Variants in NEGR1 observed in about 807,000 individuals in gnomAD.
NEGR1 encodes IgLON family member 4.
Under a neutral mutation model 40.9 loss-of-function variants are expected in NEGR1, and 10 were observed. The observed-to-expected ratio is 0.24, with a 90% confidence interval of 0.15 to 0.42. NEGR1 has a LOEUF of 0.42. NEGR1 is among the 10% of genes least tolerant of loss of function. The pLI is 1.00. For missense variants in NEGR1, 352 were observed against 438.9 expected, an observed-to-expected ratio of 0.80 and a Z score of 1.77; for synonymous variants, 185 against 166.8, an observed-to-expected ratio of 1.11 and a Z score of -0.84.
intron 4 of NEGR1, among the ~76,000 whole-genome samples, chr1:71,628,339 T>A (rs984309796): frequency 6.6e-6 from 1 of 152,036 alleles, no homozygotes. Flanking sequence ...GTTTATTGAA[T>A]AAATGAACAC....
At chr1:71,978,138 T>G (rs1162811943) in intron 1 of NEGR1, among the ~76,000 whole-genome samples, 1 of 152,172 alleles carries the variant, frequency 6.6e-6, no homozygotes, top group Non-Finnish European at 1.5e-5. Context: ...TAAAAAAGCC[T>G]TTTATTTCAG....
At chr1:71,588,883 A>T (rs963604407) in intron 6 of NEGR1, among the ~76,000 whole-genome samples, 1 of 152,158 alleles carries the variant, frequency 6.6e-6, no homozygotes, top group African/African-American at 2.4e-5. Context: ...GGAGCTGCTC[A>T]TATACACACA....
chr1:71,988,751 C>T (rs1235082685), intron 1 of NEGR1, among the ~76,000 whole-genome samples: 3 of 151,284 alleles, frequency 2.0e-5, no homozygotes, highest in Admixed American at 2.0e-4. Context: ...TTATAAAGAA[C>T]CACATGACTA....
At chr1:72,107,395 T>C (rs1351791964) in intron 1 of NEGR1, among the ~76,000 whole-genome samples, 1 of 151,662 alleles carries the variant, frequency 6.6e-6, no homozygotes, top group African/African-American at 2.4e-5. Flanking sequence ...AAAAGTATGA[T>C]AGATACATAA....
chr1:72,252,533 T>A (rs1158747837), intron 1 of NEGR1, among the ~76,000 whole-genome samples: 2 of 152,224 alleles, frequency 1.3e-5, no homozygotes, highest in Non-Finnish European at 2.9e-5. Flanking sequence ...CTAGTACATA[T>A]CTGTAACACA....
At chr1:72,263,177 A>C (rs193208013) in intron 1 of NEGR1, among the ~76,000 whole-genome samples, 62 of 151,782 alleles carry the variant, frequency 4.1e-4, no homozygotes, top group African/African-American at 1.4e-3. Context: ...TTATTTTTAA[A>C]AATTACCTTT....
rs200216525 is a variant in NEGR1 at position 71,935,205 on chromosome 1, T to C, written c.283A>G (p.Thr95Ala). ...WSVDPRVSIS[T>A]LNKRDYSLQI... is the part of the protein sequence containing the mutation. ...AGGCTGTAGTCCCTTTTATTCAATG[T>C]TGAAATTGAAACTCGAGGATCCACT... Residue 95 changes from threonine to alanine, a missense_variant, in exon 2 of 7, where the codon ACA (threonine) becomes GCA (alanine). By Grantham distance (58) the Thr-to-Ala change is moderately conservative. Coordinates refer to ENST00000357731, the MANE Select transcript of NEGR1 (RefSeq NM_173808.3). 71 of 1,613,750 alleles carry C rather than the reference T, an allele frequency of 4.4e-5. No individual in the cohort carries two copies. The highest frequency in any genetic ancestry group is 5.5e-5 in the Non-Finnish European group (65 of 1,179,814).
chr1:71,906,347 C>T (rs919934594), intron 2 of NEGR1, among the ~76,000 whole-genome samples: 6 of 151,668 alleles, frequency 4.0e-5, no homozygotes, highest in Non-Finnish European at 5.9e-5. Flanking sequence ...AAGAGCTTAT[C>T]CATGTAACCA....
At chr1:71,651,501 C>T (rs1430174816) in intron 4 of NEGR1, among the ~76,000 whole-genome samples, 1 of 152,044 alleles carries the variant, frequency 6.6e-6, no homozygotes, top group Admixed American at 6.6e-5. Context: ...CCATTAAAAC[C>T]TTGCTTCTCT....
At chr1:71,910,349 A>G (rs1036029438) in intron 2 of NEGR1, among the ~76,000 whole-genome samples, 12 of 152,220 alleles carry the variant, frequency 7.9e-5, no homozygotes, top group African/African-American at 2.9e-4. Context: ...ACTGGTTTCA[A>G]AAATTTGCAG....
intron 4 of NEGR1, among the ~76,000 whole-genome samples, chr1:71,687,372 A>G (rs1653073461): frequency 6.6e-6 from 1 of 152,214 alleles, no homozygotes; most frequent in Non-Finnish European, 1.5e-5. Flanking sequence ...TATCTATGAA[A>G]TACATAAGTG....
intron 1 of NEGR1, among the ~76,000 whole-genome samples, chr1:72,270,049 A>G (rs1655791582): frequency 6.6e-6 from 1 of 151,830 alleles, no homozygotes; most frequent in South Asian, 2.1e-4. Context: ...AAGAGTTACA[A>G]GATAATGAGA....
chr1:71,554,915 G>T (rs1648206554), intron 6 of NEGR1, among the ~76,000 whole-genome samples: 1 of 151,468 alleles, frequency 6.6e-6, no homozygotes, highest in Admixed American at 6.6e-5. Flanking sequence ...TTTAACTCAA[G>T]ATCAGTAACC....
intron 1 of NEGR1, among the ~76,000 whole-genome samples, chr1:72,144,694 A>G (rs1176127270): frequency 6.6e-6 from 1 of 152,034 alleles, no homozygotes; most frequent in Middle Eastern, 3.2e-3. Context: ...ATGAATGTCC[A>G]AATTTCAGAG....
intron 1 of NEGR1, among the ~76,000 whole-genome samples, chr1:72,144,330 CAT>C (rs987400115): frequency 4.5e-4 from 68 of 151,848 alleles, no homozygotes; most frequent in African/African-American, 1.5e-3. Flanking sequence ...AGTGAAAAAA[CAT>C]AATTATCTAA....
chr1:71,462,553 G>T lies in NEGR1; in HGVS notation c.941-54983C>A, dbSNP rs139238700. 5.9e-3 allele frequency among the ~76,000 whole-genome samples: 903 copies of T among 152,226 alleles called. 7 individuals carry two copies. Among genetic ancestry groups the T allele is most frequent in the Middle Eastern group, 0.014 (4 of 294 alleles). On this transcript the variant is annotated intron_variant, in intron 6 of 6. Transcript: ENST00000357731. ...AATCATAGAAGAAGATACTTCAAAT[G>T]ATTTTACCTTGGGAGTGGAGGGAGA...
At chr1:71,842,465 T>A (rs566941381) in intron 2 of NEGR1, among the ~76,000 whole-genome samples, 9 of 152,206 alleles carry the variant, frequency 5.9e-5, no homozygotes, top group Admixed American at 5.9e-4. Flanking sequence ...GTCTAGGATC[T>A]TAACGAAATA....
At chr1:71,693,717 G>A (rs1285675876) in intron 4 of NEGR1, among the ~76,000 whole-genome samples, 1 of 151,384 alleles carries the variant, frequency 6.6e-6, no homozygotes, top group African/African-American at 2.4e-5. Context: ...CTGACCACAA[G>A]GCCCACATTT....
intron 4 of NEGR1, among the ~76,000 whole-genome samples, chr1:71,634,118 C>A (rs2101567425): frequency 6.6e-6 from 1 of 152,142 alleles, no homozygotes; most frequent in Admixed American, 6.6e-5. Flanking sequence ...ACCAAGAATG[C>A]AGCTTTAGGT....
Sources: gnomAD v4.1 joint callset for allele counts (sites outside exome capture counted in the v4.1 genomes callset) on GRCh38, gnomAD v4.1.1 for gene constraint, MANE v1.5 for transcripts, NCBI Gene and HGNC (gene_info 2026-07-23, HGNC 2026-07-21) for gene names.